GPHN: variants seen among roughly 807,000 people sequenced by gnomAD.
GPHN encodes the protein gephyrin.
A neutral mutation model predicts 95.5 loss-of-function variants in GPHN; 17 were observed. The ratio of observed to expected loss-of-function variants is 0.18; its 90% confidence interval spans 0.12 to 0.27. The LOEUF is 0.27. Ranked by LOEUF, GPHN falls within the 10% of genes least tolerant of loss-of-function variation. The probability of loss-of-function intolerance (pLI) is 1.00; values close to 1 mark genes in which losing one functional copy is unlikely to be tolerated. For missense variants in GPHN, 660 were observed against 978.1 expected (o/e 0.67, Z 4.34); for synonymous variants, 320 against 322.5 (o/e 0.99, Z 0.08).
chr14:66,627,573 A>G (rs1048354373), intron 1 of GPHN, among the ~76,000 whole-genome samples: 2 of 152,098 alleles, frequency 1.3e-5, no homozygotes, highest in Non-Finnish European at 2.9e-5. Context: ...GTATCTAGGT[A>G]TAGAATGGCC....
chr14:66,545,739 A>C (rs1594901984), intron 1 of GPHN, among the ~76,000 whole-genome samples: 2 of 114,664 alleles, frequency 1.7e-5, no homozygotes, highest in African/African-American at 3.6e-5. Context: ...CGGGGGGCTG[A>C]CCCCCCCACC....
At chr14:67,143,954 TG>T (rs905459298) in intron 18 of GPHN, among the ~76,000 whole-genome samples, 7 of 151,542 alleles carry the variant, frequency 4.6e-5, no homozygotes, top group Admixed American at 2.6e-4. Context: ...AATGAAAATA[TG>T]GCCAGGCACA....
chr14:66,859,666 T>C (rs1404784116), intron 4 of GPHN, among the ~76,000 whole-genome samples: 3 of 152,206 alleles, frequency 2.0e-5, no homozygotes, highest in East Asian at 1.9e-4. Flanking sequence ...AACAGAGATA[T>C]GTGATCTTTT....
intron 6 of GPHN, among the ~76,000 whole-genome samples, chr14:66,918,368 A>C (rs927199305): frequency 6.6e-6 from 1 of 152,152 alleles, no homozygotes; most frequent in African/African-American, 2.4e-5. Flanking sequence ...GCTGACCTGT[A>C]ATCTTTAATC....
the GPHN span, among the ~76,000 whole-genome samples, chr14:67,485,617 G>A: frequency 6.6e-6 from 1 of 152,222 alleles, no homozygotes; most frequent in Non-Finnish European, 1.5e-5. Context: ...CCTTCCTGCA[G>A]GCCTCTGATC....
intron 21 of GPHN, among the ~76,000 whole-genome samples, chr14:67,176,305 G>C (rs536114337): frequency 6.6e-6 from 1 of 152,146 alleles, no homozygotes; most frequent in South Asian, 2.1e-4. Context: ...GAGTTTTGTC[G>C]AAGGCCTTTT....
At chr14:66,711,015 A>G (rs1035846411) in intron 2 of GPHN, among the ~76,000 whole-genome samples, 1 of 152,124 alleles carries the variant, frequency 6.6e-6, no homozygotes, top group African/African-American at 2.4e-5. Flanking sequence ...TGCAAATTTT[A>G]TTGTACAAAT....
At chr14:66,558,885 C>A (rs1297936880) in intron 1 of GPHN, among the ~76,000 whole-genome samples, 1 of 146,692 alleles carries the variant, frequency 6.8e-6, no homozygotes, top group Non-Finnish European at 1.5e-5. Flanking sequence ...TATCCCTCCC[C>A]CCTCCCCCAA....
chr14:67,474,276 CAG>C, the GPHN span, among the ~76,000 whole-genome samples: 4 of 136,302 alleles, frequency 2.9e-5, no homozygotes, highest in Non-Finnish European at 4.8e-5. Context: ...AAAAAAAAAA[CAG>C]AGCAAAGAAC....
At chr14:67,499,206 G>T in the GPHN span, among the ~76,000 whole-genome samples, 1 of 151,986 alleles carries the variant, frequency 6.6e-6, no homozygotes, top group Non-Finnish European at 1.5e-5. Context: ...GTCCTGCTAT[G>T]TTGCTCAGGC....
chr14:66,599,858 T>G lies in GPHN; in HGVS notation c.65-81249T>G, dbSNP rs74246510. Among the ~76,000 whole-genome samples the G allele has an allele frequency of 6.7e-4, 102 of 152,162 alleles. 1 individual carries two copies. The East Asian group carries it at 0.02, about 29-fold the overall frequency. ...ATATATCTGTATATCTATATCTATA[T>G]CTATATGTATTCAGGCTAAAAAATA... On this transcript the variant is annotated intron_variant, in intron 1 of 22. Coordinates refer to ENST00000478722, the MANE Select transcript of GPHN (RefSeq NM_020806.5).
intron 5 of GPHN, among the ~76,000 whole-genome samples, chr14:66,884,146 C>CT (rs1220668220): frequency 6.6e-5 from 10 of 151,938 alleles, no homozygotes; most frequent in Non-Finnish European, 1.0e-4. Context: ...ATATCGGCTC[C>CT]TTTTTTTTGT....
At chr14:66,622,641 A>G (rs546447782) in intron 1 of GPHN, among the ~76,000 whole-genome samples, 102 of 152,240 alleles carry the variant, frequency 6.7e-4, no homozygotes, top group African/African-American at 2.3e-3. Flanking sequence ...CTTCCATCAG[A>G]TACCCTAAAT....
chr14:66,960,527 G>A (rs771914025), intron 8 of GPHN, among the ~76,000 whole-genome samples: 1 of 151,790 alleles, frequency 6.6e-6, no homozygotes, highest in African/African-American at 2.4e-5. Flanking sequence ...TGTTTCTGTT[G>A]TTTGCTTAGT....
the GPHN span, among the ~76,000 whole-genome samples, chr14:67,255,706 A>C: frequency 6.6e-6 from 1 of 152,174 alleles, no homozygotes; most frequent in Non-Finnish European, 1.5e-5. Context: ...TTTGAGATGG[A>C]GTCTCGCTCT....
intron 5 of GPHN, among the ~76,000 whole-genome samples, chr14:66,910,994 G>T (rs2065648309): frequency 6.6e-6 from 1 of 151,946 alleles, no homozygotes; most frequent in African/African-American, 2.4e-5. Context: ...AAACCAAGTT[G>T]TATAAGAATA....
At chr14:67,018,559 C>G (rs1383250877) in intron 9 of GPHN, among the ~76,000 whole-genome samples, 1 of 152,100 alleles carries the variant, frequency 6.6e-6, no homozygotes, top group Non-Finnish European at 1.5e-5. Flanking sequence ...GCTTGCATGC[C>G]TACCGTGCAT....
At chr14:67,244,981 A>G in the GPHN span, among the ~76,000 whole-genome samples, 3 of 152,188 alleles carry the variant, frequency 2.0e-5, no homozygotes, top group African/African-American at 7.2e-5. Context: ...AGATGTAACA[A>G]TTGGTCAGAG....
At chr14:67,334,770 A>G in the GPHN span, 1 of 152,326 alleles carries the variant, frequency 6.6e-6, no homozygotes, top group African/African-American at 2.4e-5. Context: ...CACAGGTCAC[A>G]CCGATTTTTA....
Sources: allele counts gnomAD v4.1 joint callset (sites outside exome capture counted in the v4.1 genomes callset), GRCh38; gene constraint gnomAD v4.1.1; transcripts MANE v1.5; gene names NCBI Gene and HGNC (gene_info 2026-07-23, HGNC 2026-07-21).